LRP5: variants seen among roughly 807,000 people sequenced by gnomAD.
The protein encoded by LRP5 is LDL receptor related protein 5.
A neutral mutation model predicts 154.1 loss-of-function variants in LRP5; 62 were observed. The observed-to-expected ratio is 0.40, with a 90% CI of 0.33 to 0.50. The LOEUF (loss-of-function observed/expected upper bound fraction) is 0.50. LRP5 is among the 20% of genes least tolerant of loss of function. The pLI is 0.55. For missense variants in LRP5, 1,915 were observed against 2,336.7 expected, an observed-to-expected ratio of 0.82 and a Z score of 3.72; for synonymous variants, 966 against 1,011.5, an observed-to-expected ratio of 0.96 and a Z score of 0.85.
rs552301759 is a variant in LRP5 at position 68,437,081 on chromosome 11, T to C, written c.4111+82T>C. 1.2e-4 allele frequency: 143 copies of C among 1,193,856 alleles called. No individual in the cohort carries two copies. The African/African-American group carries it at 2.0e-3, about 16-fold the overall frequency. The allele number at this position is 1,193,856 out of a possible 1,614,324, so 74.0% of individuals were successfully genotyped here. ...TGGAGTTTAGGGGAGGAGACGTGCC[T>C]TTCCAGCGGGGCTGGGGGCTGTGTG... On this transcript the variant is annotated intron_variant, in intron 19 of 22. Transcript: ENST00000294304.
At chr11:68,351,119 C>T (rs901878031) in intron 2 of LRP5, among the ~76,000 whole-genome samples, 8 of 152,134 alleles carry the variant, frequency 5.3e-5, no homozygotes, top group Non-Finnish European at 8.8e-5. Context: ...GGGTGGGACA[C>T]GGTGGAATTT....
intron 1 of LRP5, among the ~76,000 whole-genome samples, chr11:68,330,930 A>G (rs546473923): frequency 2.2e-4 from 34 of 152,314 alleles, no homozygotes; most frequent in Middle Eastern, 3.4e-3. Flanking sequence ...TTCTCTGCCC[A>G]GTGCCTCCTG....
intron 1 of LRP5, among the ~76,000 whole-genome samples, chr11:68,338,697 AAGTGTTCTACGCC>A (rs1454346742): frequency 6.6e-6 from 1 of 152,076 alleles, no homozygotes; most frequent in Non-Finnish European, 1.5e-5. Context: ...GGATTGAAGA[AAGTGTTCTACGCC>A]CGATTAAACC....
intron 1 of LRP5, among the ~76,000 whole-genome samples, chr11:68,323,720 A>G (rs1444879408): frequency 6.6e-6 from 1 of 152,156 alleles, no homozygotes; most frequent in Non-Finnish European, 1.5e-5. Flanking sequence ...GCGCCTGGCT[A>G]CTTTGGTACT....
intron 7 of LRP5, among the ~76,000 whole-genome samples, chr11:68,391,148 TA>T (rs2098646083): frequency 6.6e-6 from 1 of 152,216 alleles, no homozygotes; most frequent in African/African-American, 2.4e-5. Flanking sequence ...TTTGTATTTT[TA>T]GTAGACAGGG....
intron 4 of LRP5, among the ~76,000 whole-genome samples, chr11:68,364,303 T>C (rs968757262): frequency 6.6e-6 from 1 of 151,876 alleles, no homozygotes; most frequent in Non-Finnish European, 1.5e-5. Context: ...TGTATTTATA[T>C]ACACATACAC....
At chr11:68,390,093 C>T in intron 7 of LRP5, 41 bp downstream of exon 7, 1 of 1,607,424 alleles carries the variant, frequency 6.2e-7, no homozygotes, top group East Asian at 2.2e-5. Flanking sequence ...GAGGCCAGGC[C>T]CAGCCACCCC....
At chr11:68,403,382 C>A in intron 7 of LRP5, 101 bp from the exon 8 acceptor site, 2 of 992,320 alleles carry the variant, frequency 2.0e-6, no homozygotes, top group Non-Finnish European at 3.1e-6. Context: ...GGGCATTGAA[C>A]CCGTCTTGTT....
chr11:68,395,481 G>A (rs968246114), intron 7 of LRP5, among the ~76,000 whole-genome samples: 2 of 152,134 alleles, frequency 1.3e-5, no homozygotes, highest in African/African-American at 4.8e-5. Context: ...AGGATGAGGA[G>A]TGATGGCGCA....
At chr11:68,430,203 T>A (rs1291515895) in intron 17 of LRP5, among the ~76,000 whole-genome samples, 1 of 152,232 alleles carries the variant, frequency 6.6e-6, no homozygotes, top group East Asian at 1.9e-4. Context: ...AGACAGTGTC[T>A]TGCTCTGTCA....
chr11:68,434,672 G>A (rs1369368266), intron 18 of LRP5, among the ~76,000 whole-genome samples: 4 of 152,146 alleles, frequency 2.6e-5, no homozygotes, highest in Non-Finnish European at 4.4e-5. Flanking sequence ...GAGCCACCGC[G>A]CCCGGCCTGA....
chr11:68,398,565 C>T (rs975424391), intron 7 of LRP5, among the ~76,000 whole-genome samples: 46 of 152,144 alleles, frequency 3.0e-4, no homozygotes, highest in African/African-American at 1.0e-3. Flanking sequence ...TCGAGAGCTA[C>T]GGCCCCCGGG....
In LRP5 at chr11:68,389,954, G is replaced by A. The variant is rs927043028; in HGVS notation, c.1486G>A (p.Val496Met). 6.2e-7 allele frequency: 1 copy of A among 1,614,258 alleles called. No homozygotes were observed. The highest frequency in any genetic ancestry group is 8.5e-7 in the Non-Finnish European group (1 of 1,180,036). Reference protein sequence around the residue: ...CANLDGQERRVLVNASLGWPN... With the variant: ...CANLDGQERRMLVNASLGWPN... ...CAACTTGGATGGGCAGGAGCGGCGT[G>A]TGCTGGTCAATGCCTCCCTCGGGTG... The change falls in exon 7 of 23, where the codon GTG becomes ATG. Residue 496 changes from valine to methionine, a missense_variant. Coordinates refer to ENST00000294304, the MANE Select transcript of LRP5 (RefSeq NM_002335.4).
At chr11:68,358,414 A>G (rs1291572959) in intron 3 of LRP5, among the ~76,000 whole-genome samples, 1 of 152,166 alleles carries the variant, frequency 6.6e-6, no homozygotes, top group South Asian at 2.1e-4. Context: ...CACCCGGCCC[A>G]TGCACCAAAT....
At chr11:68,301,803 AT>A in the LRP5 span, among the ~76,000 whole-genome samples, 49 of 65,362 alleles carry the variant, frequency 7.5e-4, no homozygotes, top group Middle Eastern at 6.7e-3. Context: ...TTTTTTTTGT[AT>A]TTTTTAGTAG....
chr11:68,377,009 G>A (rs976437429), intron 5 of LRP5, among the ~76,000 whole-genome samples: 7 of 152,188 alleles, frequency 4.6e-5, no homozygotes, highest in African/African-American at 1.4e-4. Context: ...GGGCTGGCGC[G>A]GTGGCTCACG....
chr11:68,381,296 G>A (rs975001451), intron 5 of LRP5, among the ~76,000 whole-genome samples: 1 of 152,320 alleles, frequency 6.6e-6, no homozygotes, highest in African/African-American at 2.4e-5. Flanking sequence ...CATTTCTGAT[G>A]TTAGAAGCCA....
At chr11:68,369,716 C>G (rs1181410781) in intron 5 of LRP5, among the ~76,000 whole-genome samples, 4 of 152,072 alleles carry the variant, frequency 2.6e-5, no homozygotes, top group Admixed American at 6.6e-5. Flanking sequence ...GTTAAGGGTC[C>G]CTGTGTGGCT....
At chr11:68,313,721 C>G (rs1034903654) in intron 1 of LRP5, among the ~76,000 whole-genome samples, 2 of 152,256 alleles carry the variant, frequency 1.3e-5, no homozygotes, top group Non-Finnish European at 2.9e-5. Flanking sequence ...TGGAGTATGG[C>G]TGGCCAAGTG....
Sources: gnomAD v4.1 joint callset for allele counts (sites outside exome capture counted in the v4.1 genomes callset) on GRCh38, gnomAD v4.1.1 for gene constraint, MANE v1.5 for transcripts, NCBI Gene and HGNC (gene_info 2026-07-23, HGNC 2026-07-21) for gene names.